Variants in ZNF71 observed in about 807,000 individuals in gnomAD.
The protein encoded by ZNF71 is zinc finger protein 71.
A neutral mutation model predicts 6.7 loss-of-function variants in ZNF71; 3 were observed. That is an observed-to-expected ratio of 0.45 (90% CI 0.20 to 1.16). ZNF71 has a LOEUF of 1.16. Among genes scored for constraint, ZNF71 ranks in the 50% most tolerant of loss-of-function variants. The pLI, the probability that ZNF71 is intolerant of heterozygous loss-of-function variation, is 0.25. For synonymous variants in ZNF71, 343 were observed against 311.1 expected, an observed-to-expected ratio of 1.10 and a Z score of -1.08; for missense variants, 688 against 728.6, an observed-to-expected ratio of 0.94 and a Z score of 0.64.
Position 56,621,271 on chromosome 19 carries a change from G to C in ZNF71, c.164G>C (p.Trp55Ser). 1 of 1,515,588 alleles carries C rather than the reference G, an allele frequency of 6.6e-7. No homozygotes were observed. Among genetic ancestry groups the C allele is most frequent in the Non-Finnish European group, 8.8e-7 (1 of 1,133,156 alleles). 93.9% of individuals were successfully genotyped at this position (1,515,588 alleles called of 1,614,324 possible). A position where few individuals can be genotyped will look rare whatever the true frequency, so the allele number is the denominator to read the frequency against. Reference sequence around the variant, plus strand: ...CTTCTGTTTTTGTTTTTTTCAGACTGGGAGACTAGACCTGAAATGAAAGAG... The same window carrying C: ...CTTCTGTTTTTGTTTTTTTCAGACTCGGAGACTAGACCTGAAATGAAAGAG... ...ENYRNLVSLD[W>S]ETRPEMKELD... is the part of the protein sequence containing the mutation. Residue 55 changes from tryptophan (W) to serine (S), a missense_variant, in exon 4 of 4, where the codon TGG (tryptophan) becomes TCG (serine). Coordinates refer to ENST00000599599, the MANE Select transcript of ZNF71 (RefSeq NM_001370215.1).
rs752226323 is a variant in ZNF71 at position 56,622,027 on chromosome 19, G to C, written c.920G>C (p.Cys307Ser). The C allele has an allele frequency of 1.2e-6, 2 of 1,613,578 alleles. No individual in the cohort carries two copies. The highest frequency in any genetic ancestry group is 2.7e-5 in the African/African-American group (2 of 75,048). Reference protein sequence around the residue: ...TGEKPYACGDCGKAFSQNMHL... With the variant: ...TGEKPYACGDSGKAFSQNMHL... ...GAGAAGCCCTACGCGTGCGGGGACT[G>C]CGGCAAGGCCTTCAGCCAGAACATG... Residue 307 changes from cysteine (C) to serine (S), a missense_variant, in exon 4 of 4, where the codon TGC becomes TCC. By Grantham distance (112) the Cys-to-Ser change is moderately radical. Transcript: ENST00000599599.
In ZNF71 at chr19:56,613,854, GA is replaced by G; in HGVS notation, c.77del (p.Glu26GlyfsTer36). On this transcript the variant is annotated frameshift_variant, in exon 3 of 4. Transcript: ENST00000599599. LOFTEE classifies it high-confidence loss of function. The surrounding 1 kb of genome is among the most constrained non-coding windows in gnomAD (Gnocchi z 4.6). Reference protein sequence around the residue: ...FRDVTVDFTQEEWQQLEPAQK... With the variant: ...FRDVTVDFTQXEWQQLEPAQK... ...GGATGTGACTGTGGACTTCACCCAGGAGGAGTGGCAGCAGCTGGAGCCTGCC... is the reference window on the plus strand; with the variant it reads ...GGATGTGACTGTGGACTTCACCCAGGGGAGTGGCAGCAGCTGGAGCCTGCC... 8.9e-7 allele frequency: 1 copy of G among 1,124,594 alleles called. No homozygotes were observed. The highest frequency in any genetic ancestry group is 1.1e-6 in the Non-Finnish European group (1 of 900,462). The allele number at this position is 1,124,594 out of a possible 1,614,324, so 69.7% of individuals were successfully genotyped here. A position where few individuals can be genotyped will look rare whatever the true frequency, so the allele number is the denominator to read the frequency against.
At position 56,601,495 on chromosome 19, in the gene ZNF71, T is replaced by G; in HGVS notation, c.-52-12T>G. On this transcript the variant is annotated splice_polypyrimidine_tract_variant and intron_variant, in intron 1 of 3. Coordinates refer to ENST00000599599, the MANE Select transcript of ZNF71 (RefSeq NM_001370215.1). ...GTCTCTCAGCATGCCTCCCTCTTTC[T>G]TCTCCCTACAGCACTGTTGGTCACC... 1.0e-6 allele frequency: 1 copy of G among 981,488 alleles called. No homozygotes were observed. Among genetic ancestry groups the G allele is most frequent in the African/African-American group, 1.8e-5 (1 of 57,052 alleles). The allele number at this position is 981,488 out of a possible 1,614,324, so 60.8% of individuals were successfully genotyped here. A position where few individuals can be genotyped will look rare whatever the true frequency, so the allele number is the denominator to read the frequency against.
At chr19:56,601,983 G>A (rs190595371) in intron 2 of ZNF71, among the ~76,000 whole-genome samples, 153 of 152,306 alleles carry the variant, frequency 1.0e-3, no homozygotes, top group African/African-American at 3.7e-3. Flanking sequence ...AAAAGCTTAT[G>A]GGAATGAGGC....
chr19:56,608,642 G>C lies in ZNF71; in HGVS notation c.34-5170G>C, dbSNP rs1172466964. Among the ~76,000 whole-genome samples, 3 of 152,202 alleles carry C rather than the reference G, an allele frequency of 2.0e-5. No individual in the cohort carries two copies. The East Asian group carries it at 5.8e-4, about 29-fold the overall frequency. ...GTTGTTGATCACACAGAATCACCCTGGCACAGTGAAGGGGCTACATAAGGC... is the reference window on the plus strand; with the variant it reads ...GTTGTTGATCACACAGAATCACCCTCGCACAGTGAAGGGGCTACATAAGGC... On this transcript the variant is annotated intron_variant, in intron 2 of 3. Transcript: ENST00000599599.
intron 2 of ZNF71, among the ~76,000 whole-genome samples, chr19:56,611,060 T>A (rs2044748444): frequency 2.0e-5 from 3 of 152,216 alleles, no homozygotes; most frequent in Non-Finnish European, 4.4e-5. Flanking sequence ...TCTGTCCCTC[T>A]CCTGCTCAGA....
chr19:56,622,685 C>G lies in ZNF71; in HGVS notation c.1578C>G (p.Tyr526Ter). Residue 526 changes from tyrosine to a stop codon, truncating the protein, a stop_gained, in exon 4 of 4, where the codon TAC becomes TAG. Coordinates refer to ENST00000599599, the MANE Select transcript of ZNF71 (RefSeq NM_001370215.1). LOFTEE classifies it low-confidence loss of function (END_TRUNC). ...HQRIHTGEKP[Y>*]RCGECGKTFS... ...GGATCCACACGGGCGAGAAGCCCTA[C>G]CGATGCGGCGAGTGCGGGAAGACCT... The G allele has an allele frequency of 6.2e-7, 1 of 1,614,106 alleles. No individual in the cohort carries two copies. The highest frequency in any genetic ancestry group is 8.5e-7 in the Non-Finnish European group (1 of 1,179,956).
intron 2 of ZNF71, 89 bp downstream of exon 2, chr19:56,601,680 C>G (rs2044671915): frequency 1.2e-6 from 1 of 850,598 alleles, no homozygotes; most frequent in Non-Finnish European, 1.4e-6. Context: ...TCCAAGGCCC[C>G]CAGTCCCATC....
intron 3 of ZNF71, 108 bp downstream of exon 3, chr19:56,614,046 A>T (rs2044771964): frequency 1.1e-6 from 1 of 951,034 alleles, no homozygotes; most frequent in South Asian, 4.4e-5. Context: ...GGAAAGTTTT[A>T]AAATTTGCTC....
intron 3 of ZNF71, among the ~76,000 whole-genome samples, chr19:56,616,724 T>C (rs2044794476): frequency 6.6e-6 from 1 of 152,216 alleles, no homozygotes; most frequent in African/African-American, 2.4e-5. Flanking sequence ...TCATCTGTCC[T>C]GGGAACTCTA....
intron 1 of ZNF71, among the ~76,000 whole-genome samples, chr19:56,599,305 G>A (rs1386742576): frequency 6.6e-6 from 1 of 150,582 alleles, no homozygotes; most frequent in Non-Finnish European, 1.5e-5. Context: ...TTTTTACTTT[G>A]CCATTTACTT....
intron 3 of ZNF71, among the ~76,000 whole-genome samples, chr19:56,614,697 G>C (rs1044722209): frequency 6.6e-6 from 1 of 152,178 alleles, no homozygotes; most frequent in Non-Finnish European, 1.5e-5. Flanking sequence ...TCAGAGCGTG[G>C]TCCTATTTCT....
At chr19:56,611,934 T>C (rs2044754833) in intron 2 of ZNF71, among the ~76,000 whole-genome samples, 1 of 152,180 alleles carries the variant, frequency 6.6e-6, no homozygotes, top group Non-Finnish European at 1.5e-5. Flanking sequence ...CACAGCCTTG[T>C]CCCTGTGTAC....
chr19:56,621,624 A>G lies in ZNF71; in HGVS notation c.517A>G (p.Ser173Gly). Residue 173 changes from serine to glycine, a missense_variant, in exon 4 of 4, where the codon AGC becomes GGC. Ser to Gly is a moderately conservative substitution (Grantham distance 56, BLOSUM62 0). Transcript: ENST00000599599. Reference protein sequence around the residue: ...PPVRRGKNFSSTSDLSKPPMP... With the variant: ...PPVRRGKNFSGTSDLSKPPMP... ...CGTAAGGCGTGGCAAGAACTTCTCC[A>G]GCACTTCAGACCTCAGTAAGCCCCC... The G allele has an allele frequency of 6.2e-7, 1 of 1,614,200 alleles. No homozygotes were observed. The highest frequency in any genetic ancestry group is 8.5e-7 in the Non-Finnish European group (1 of 1,180,020).
intron 3 of ZNF71, among the ~76,000 whole-genome samples, chr19:56,620,225 G>A (rs1256992956): frequency 2.6e-5 from 4 of 152,182 alleles, no homozygotes; most frequent in Non-Finnish European, 5.9e-5. Context: ...ATGAGCTAGC[G>A]GGAGCCGGAG....
At position 56,600,185 on chromosome 19, in the gene ZNF71, A is replaced by ATTTTTTTT. The variant is rs1169322389; in HGVS notation, c.-52-1306_-52-1299dup. 1.8e-3 allele frequency among the ~76,000 whole-genome samples: 44 copies of ATTTTTTTT among 24,912 alleles called. 10 individuals carry two copies. In the African/African-American group the frequency reaches 0.021, roughly 12 times the overall value. The allele number at this position is 24,912 out of a possible 152,430, so 16.3% of individuals were successfully genotyped here. On this transcript the variant is annotated intron_variant, in intron 1 of 3. Coordinates refer to ENST00000599599, the MANE Select transcript of ZNF71 (RefSeq NM_001370215.1). ...ATCTTGGCTCACTGCAACCCTCTGT[A>ATTTTTTTT]TTTTTTTTTTTTTTTTTTTTTTTGA...
intron 3 of ZNF71, among the ~76,000 whole-genome samples, chr19:56,620,437 TG>T (rs2044834715): frequency 6.6e-6 from 1 of 152,092 alleles, no homozygotes; most frequent in African/African-American, 2.4e-5. Flanking sequence ...GAATAGAAAG[TG>T]GGTCGAAGGA....
chr19:56,601,803 C>G (rs45498492), intron 2 of ZNF71, among the ~76,000 whole-genome samples: 3,116 of 152,128 alleles, frequency 0.02, 53 homozygotes, highest in African/African-American at 0.043. Context: ...CAAACTAGCT[C>G]TCTGGACTCT....
intron 2 of ZNF71, among the ~76,000 whole-genome samples, chr19:56,612,298 G>A (rs981246938): frequency 1.3e-5 from 2 of 152,092 alleles, no homozygotes; most frequent in African/African-American, 4.8e-5. Context: ...GTCAACCTAA[G>A]TGCCCATCAA....
Sources: allele counts gnomAD v4.1 joint callset (sites outside exome capture counted in the v4.1 genomes callset), GRCh38; gene constraint gnomAD v4.1.1; non-coding constraint Gnocchi (gnomAD v3.1); transcripts MANE v1.5; gene names NCBI Gene and HGNC (gene_info 2026-07-23, HGNC 2026-07-21).